SMARCA4: variants seen among roughly 807,000 people sequenced by gnomAD.
SMARCA4 encodes SWI/SNF related BAF chromatin remodeling complex subunit ATPase 4, also known as SWI/SNF-related matrix-associated actin-dependent regulator of chromatin subfamily A member 4.
In SMARCA4, 31 loss-of-function variants were observed where a neutral mutation model predicts 193.9. That is an observed-to-expected ratio of 0.16 (90% CI 0.12 to 0.22). The LOEUF is 0.22. Among genes scored for constraint, SMARCA4 ranks in the 10% least tolerant of loss-of-function variants. The pLI, the probability that SMARCA4 is intolerant of heterozygous loss-of-function variation, is 1.00. For synonymous variants in SMARCA4, 942 were observed against 933.1 expected, an observed-to-expected ratio of 1.01 and a Z score of -0.17; for missense variants, 1,148 against 2,296.0, an observed-to-expected ratio of 0.50 and a Z score of 10.22.
chr19:11,011,571 C>T (rs922148517), intron 15 of SMARCA4: 1 of 152,220 alleles, frequency 6.6e-6, no homozygotes, highest in African/African-American at 2.4e-5. Context: ...CTAGTATCAA[C>T]ATTCAAAGCT....
rs748040527 is a variant in SMARCA4 at position 10,987,050 on chromosome 19, T to C, written c.859+47T>C. ...GGTGCACCCGTGCCCTTACTCCCCA[T>C]CTCAAGCTTGGGTCCTTGAGATGAG... On this transcript the variant is annotated intron_variant, in intron 5 of 34. Transcript: ENST00000344626. The surrounding 1 kb of genome is among the most constrained non-coding windows in gnomAD (Gnocchi z 5.3). 3.2e-5 allele frequency: 45 copies of C among 1,391,176 alleles called. No homozygotes were observed. The highest frequency in any genetic ancestry group is 4.4e-5 in the Non-Finnish European group (44 of 992,136). The allele number at this position is 1,391,176 out of a possible 1,614,324, so 86.2% of individuals were successfully genotyped here.
chr19:11,009,007 C>CTTTT (rs762148337), intron 14 of SMARCA4, among the ~76,000 whole-genome samples: 2,089 of 40,934 alleles, frequency 0.051, 548 homozygotes, highest in African/African-American at 0.11. Flanking sequence ...ATAAAAGTCA[C>CTTTT]TTTTTTTTTT....
chr19:10,987,974 C>T lies in SMARCA4; in HGVS notation c.1118+50C>T, dbSNP rs377209096. 12 of 1,592,738 alleles carry T rather than the reference C, an allele frequency of 7.5e-6. No homozygotes were observed. In the African/African-American group the frequency reaches 9.4e-5, roughly 12 times the overall value. The stretch of plus-strand genomic sequence containing the variant: ...GGTCACTGCCCTGTGTCCCCCATGT[C>T]CCCCTGGGGAAGCCACTCAACTTTC... On this transcript the variant is annotated intron_variant, in intron 6 of 34. Transcript: ENST00000344626. The surrounding 1 kb of genome is among the most constrained non-coding windows in gnomAD (Gnocchi z 5.3).
intron 24 of SMARCA4, among the ~76,000 whole-genome samples, chr19:11,028,656 A>G (rs888230534): frequency 1.3e-5 from 2 of 152,226 alleles, no homozygotes; most frequent in African/African-American, 4.8e-5. Context: ...CCTGATGGGA[A>G]AGGTCACCGC....
Position 10,984,246 on chromosome 19 carries a change from CG to C in SMARCA4, c.98del (p.Gly33ValfsTer10), listed in dbSNP as rs750484330. ...CCTGGAGCCATGCTGGGCCCTAGCCCGGGTCCCTCGCCGGGCTCCGCCCACA... is the reference window on the plus strand; with the variant it reads ...CCTGGAGCCATGCTGGGCCCTAGCCCGGTCCCTCGCCGGGCTCCGCCCACA... ...PSPGAMLGPSPGPSPGSAHSM... is the reference protein window; with the variant it reads ...PSPGAMLGPSXGPSPGSAHSM... On this transcript the variant is annotated frameshift_variant, in exon 2 of 35. Coordinates refer to ENST00000344626, the MANE Select transcript of SMARCA4 (RefSeq NM_003072.5). LOFTEE classifies it high-confidence loss of function. This position sits in a 1 kb window ranked among gnomAD's most constrained non-coding sequence, Gnocchi z 4.3. 1 of 1,612,438 alleles carries C rather than the reference CG, an allele frequency of 6.2e-7. No individual in the cohort carries two copies. The highest frequency in any genetic ancestry group is 1.3e-5 in the African/African-American group (1 of 74,932).
intron 1 of SMARCA4, among the ~76,000 whole-genome samples, chr19:10,978,780 A>ATATATATATATATATAT (rs1555746925): frequency 2.7e-5 from 4 of 148,152 alleles, no homozygotes; most frequent in African/African-American, 9.8e-5. Context: ...AAATACAAAA[A>ATATATATATATATATAT]ATATATATAT....
intron 30 of SMARCA4, among the ~76,000 whole-genome samples, chr19:11,053,523 A>G (rs1006413329): frequency 1.2e-4 from 18 of 152,176 alleles, no homozygotes; most frequent in African/African-American, 4.1e-4. Context: ...AATGCAGCCA[A>G]AGCCCACCGA....
Position 10,984,421 on chromosome 19 carries a change from G to A in SMARCA4, c.222+48G>A, listed in dbSNP as rs2145729275. ...CGCACCTGCGGCCTCTGCCCACTAG[G>A]GCTGCAGGCAGCCTCTGGACCGAGG... On this transcript the variant is annotated intron_variant, in intron 2 of 34. Coordinates refer to ENST00000344626, the MANE Select transcript of SMARCA4 (RefSeq NM_003072.5). This position sits in a 1 kb window ranked among gnomAD's most constrained non-coding sequence, Gnocchi z 4.3. 1 of 1,551,354 alleles carries A rather than the reference G, an allele frequency of 6.4e-7. No individual in the cohort carries two copies.
intron 30 of SMARCA4, among the ~76,000 whole-genome samples, chr19:11,048,399 C>T (rs141594985): frequency 6.4e-4 from 98 of 152,182 alleles, no homozygotes; most frequent in African/African-American, 2.2e-3. Context: ...CATGCCTGGC[C>T]GGAATTTTTG....
chr19:11,012,306 G>T (rs1409855350), intron 15 of SMARCA4: 1 of 157,978 alleles, frequency 6.3e-6, no homozygotes, highest in Non-Finnish European at 1.4e-5. Flanking sequence ...GGAGGCAGAG[G>T]TTGCAGTGAG....
chr19:11,027,061 C>A (rs991653429), intron 23 of SMARCA4, among the ~76,000 whole-genome samples: 2 of 152,212 alleles, frequency 1.3e-5, no homozygotes, highest in African/African-American at 4.8e-5. Flanking sequence ...GATGCTGTGT[C>A]TAGATTTTCA....
At chr19:11,021,367 T>TC in intron 18 of SMARCA4, 1 of 382,098 alleles carries the variant, frequency 2.6e-6, no homozygotes, top group South Asian at 2.0e-5. Flanking sequence ...GCAGGACAAG[T>TC]CCCCCAGTCA....
In SMARCA4 at chr19:10,986,736, G is replaced by A; in HGVS notation, c.760+143G>A. ...GCCCATACTGCACTTCTGGGTGCTC[G>A]GGTGGTGGGGGCAGCTAAATGCTGC... On this transcript the variant is annotated intron_variant, in intron 4 of 34. Coordinates refer to ENST00000344626, the MANE Select transcript of SMARCA4 (RefSeq NM_003072.5). The surrounding 1 kb of genome is among the most constrained non-coding windows in gnomAD (Gnocchi z 6.7). The A allele has an allele frequency of 5.3e-6, 7 of 1,330,620 alleles. No homozygotes were observed. The South Asian group carries it at 6.4e-5, about 12-fold the overall frequency. The allele number at this position is 1,330,620 out of a possible 1,614,324, so 82.4% of individuals were successfully genotyped here.
Position 11,061,627 on chromosome 19 carries a change from T to C in SMARCA4, c.4912-157T>C, listed in dbSNP as rs1467600016. On this transcript the variant is annotated intron_variant, in intron 34 of 34. Coordinates refer to ENST00000344626, the MANE Select transcript of SMARCA4 (RefSeq NM_003072.5). ...TCCTGACCTCGTGATCCGCCCGCCT[T>C]GGCCTTCCAAAGTGCTGGGATTACG... 1.6e-5 allele frequency: 12 copies of C among 743,014 alleles called. No homozygotes were observed. In the East Asian group the frequency reaches 1.8e-4, roughly 11 times the overall value. The allele number at this position is 743,014 out of a possible 1,614,324, so 46.0% of individuals were successfully genotyped here. A position where few individuals can be genotyped will look rare whatever the true frequency, so the allele number is the denominator to read the frequency against.
Position 11,058,950 on chromosome 19 carries a change from C to G in SMARCA4, c.4635+61C>G. 7.7e-7 allele frequency: 1 copy of G among 1,298,752 alleles called. No homozygotes were observed. Among genetic ancestry groups the G allele is most frequent in the South Asian group, 1.2e-5 (1 of 84,328 alleles). 80.5% of individuals were successfully genotyped at this position (1,298,752 alleles called of 1,614,324 possible). On this transcript the variant is annotated intron_variant, in intron 32 of 34. Transcript: ENST00000344626. The surrounding 1 kb of genome is among the most constrained non-coding windows in gnomAD (Gnocchi z 5.8). ...CCCACAGCTGGGCTTTGACCCAACC[C>G]GCCCCTCCTTCCCTTCTGAATTGAT...
intron 30 of SMARCA4, among the ~76,000 whole-genome samples, chr19:11,048,723 G>T (rs936723090): frequency 2.6e-5 from 4 of 152,228 alleles, no homozygotes; most frequent in Admixed American, 2.6e-4. Flanking sequence ...CTTCCTGTCA[G>T]GTGGAATCTT....
In SMARCA4 at chr19:11,041,649, T is replaced by C. The variant is rs2146828272; in HGVS notation, c.4424+89T>C. 2 of 1,200,682 alleles carry C rather than the reference T, an allele frequency of 1.7e-6. No homozygotes were observed. Among genetic ancestry groups the C allele is most frequent in the East Asian group, 2.4e-5 (1 of 41,504 alleles). 74.4% of individuals were successfully genotyped at this position (1,200,682 alleles called of 1,614,324 possible). ...GCACTCTGACTCTGCACACTCAGGCTTGGGCCGCTCACTCTTTCACTCATC... is the reference window on the plus strand; with the variant it reads ...GCACTCTGACTCTGCACACTCAGGCCTGGGCCGCTCACTCTTTCACTCATC... On this transcript the variant is annotated intron_variant, in intron 30 of 34. Coordinates refer to ENST00000344626, the MANE Select transcript of SMARCA4 (RefSeq NM_003072.5). The surrounding 1 kb of genome is among the most constrained non-coding windows in gnomAD (Gnocchi z 5.6).
At position 11,039,571 on chromosome 19, in the gene SMARCA4, G is replaced by A. The variant is rs2075462939; in HGVS notation, c.4171-1736G>A. The A allele has an allele frequency of 8.5e-6, 13 of 1,534,320 alleles. No homozygotes were observed. Among genetic ancestry groups the A allele is most frequent in the Non-Finnish European group, 1.2e-5 (13 of 1,125,588 alleles). On this transcript the variant is annotated intron_variant, in intron 29 of 34. Coordinates refer to ENST00000344626, the MANE Select transcript of SMARCA4 (RefSeq NM_003072.5). ...CGTCAAAGGTGGGGAGAGTTCTGGT[G>A]GTGGGTGGCGCTGAGGGCTGCACAA...
In SMARCA4 at chr19:11,041,224, G is replaced by A. The variant is rs2075589076; in HGVS notation, c.4171-83G>A. 6.7e-7 allele frequency: 1 copy of A among 1,481,642 alleles called. No individual in the cohort carries two copies. The highest frequency in any genetic ancestry group is 1.3e-5 in the South Asian group (1 of 79,208). 91.8% of individuals were successfully genotyped at this position (1,481,642 alleles called of 1,614,324 possible). A position where few individuals can be genotyped will look rare whatever the true frequency, so the allele number is the denominator to read the frequency against. The stretch of plus-strand genomic sequence containing the variant: ...TGCGGGGGCCCTCCTCCGTGTCCCA[G>A]CCCGGCCCCTGGGATTGCGTCGCGG... On this transcript the variant is annotated intron_variant, in intron 29 of 34. Transcript: ENST00000344626. This position sits in a 1 kb window ranked among gnomAD's most constrained non-coding sequence, Gnocchi z 5.6.
Sources: gnomAD v4.1 joint callset for allele counts (sites outside exome capture counted in the v4.1 genomes callset) on GRCh38, gnomAD v4.1.1 for gene constraint, Gnocchi (gnomAD v3.1) non-coding constraint, MANE v1.5 for transcripts, NCBI Gene and HGNC (gene_info 2026-07-23, HGNC 2026-07-21) for gene names.